Variants in NTMT2 observed in about 807,000 individuals in gnomAD.
NTMT2 encodes the protein X-Pro-Lys N-terminal protein methyltransferase 1B.
Under a neutral mutation model 23.4 loss-of-function variants are expected in NTMT2, and 21 were observed. That is an observed-to-expected ratio of 0.90 (90% CI 0.64 to 1.29). NTMT2 has a LOEUF of 1.29. Ranked by LOEUF, NTMT2 falls within the 50% of genes most tolerant of loss-of-function variation. The pLI is 0.00. For synonymous variants in NTMT2, 131 were observed against 127.7 expected (o/e 1.03, Z -0.17); for missense variants, 336 against 352.0 (o/e 0.95, Z 0.36).
intron 1 of NTMT2, among the ~76,000 whole-genome samples, chr1:170,155,836 T>A (rs1217747417): frequency 6.6e-6 from 1 of 152,108 alleles, no homozygotes; most frequent in Non-Finnish European, 1.5e-5. Flanking sequence ...TTGTTGTCCC[T>A]GTCTCTGATA....
rs1004919753 is a variant in NTMT2 at position 170,166,543 on chromosome 1, C to T, written c.372C>T (p.Gly124=). The stretch of plus-strand genomic sequence containing the variant: ...GAACAGACTGCGCCTTGGACTGCGG[C>T]TCCGGGATAGGAAGGGTCAGCAAAC... ...RAGTDCALDC[G]SGIGRVSKHV... The change falls in exon 3 of 4, where the codon GGC becomes GGT. Residue 124 remains glycine (G), a synonymous_variant. Coordinates refer to ENST00000439373, the MANE Select transcript of NTMT2 (RefSeq NM_001136107.2). The T allele has an allele frequency of 2.6e-6, 4 of 1,552,272 alleles. No individual in the cohort carries two copies. Among genetic ancestry groups the T allele is most frequent in the Non-Finnish European group, 3.5e-6 (4 of 1,147,124 alleles).
rs1474362826 is a variant in NTMT2 at position 170,146,266 on chromosome 1, G to A, written c.154+5G>A. The A allele has an allele frequency of 6.5e-6, 10 of 1,549,464 alleles. No individual in the cohort carries two copies. In the South Asian group the frequency reaches 7.2e-5, roughly 11 times the overall value. On this transcript the variant is annotated splice_donor_5th_base_variant and intron_variant, in intron 1 of 3. Coordinates refer to ENST00000439373, the MANE Select transcript of NTMT2 (RefSeq NM_001136107.2). Reference sequence around the variant, plus strand: ...TGCTGGAAAAAATTCCCCTGGGTAAGTGAGTCAGAGCTACTAGATAAGAAA... The same window carrying A: ...TGCTGGAAAAAATTCCCCTGGGTAAATGAGTCAGAGCTACTAGATAAGAAA...
Position 170,164,150 on chromosome 1 carries a change from C to T in NTMT2, c.331-2352C>T, listed in dbSNP as rs368796932. On this transcript the variant is annotated intron_variant, in intron 2 of 3. Transcript: ENST00000439373. ...AAAAAAAAAAAAAAAAAAAGACCGTCTTGTTTTGAAATCACACATCGCATG... is the reference window on the plus strand; with the variant it reads ...AAAAAAAAAAAAAAAAAAAGACCGTTTTGTTTTGAAATCACACATCGCATG... 3.8e-3 allele frequency among the ~76,000 whole-genome samples: 561 copies of T among 146,424 alleles called. 2 individuals are homozygous for T. The highest frequency in any genetic ancestry group is 7.1e-3 in the Middle Eastern group (2 of 282).
intron 1 of NTMT2, among the ~76,000 whole-genome samples, chr1:170,154,732 T>C (rs1009262056): frequency 6.6e-6 from 1 of 152,154 alleles, no homozygotes; most frequent in African/African-American, 2.4e-5. Flanking sequence ...ACTTGGGACT[T>C]CTGAGTTAAT....
At chr1:170,150,935 G>A (rs972294465) in intron 1 of NTMT2, among the ~76,000 whole-genome samples, 3 of 152,078 alleles carry the variant, frequency 2.0e-5, no homozygotes, top group African/African-American at 7.2e-5. Context: ...CAATCATTGA[G>A]GAATAACTTA....
At chr1:170,146,603 A>G (rs910524739) in intron 1 of NTMT2, among the ~76,000 whole-genome samples, 4 of 152,322 alleles carry the variant, frequency 2.6e-5, no homozygotes, top group African/African-American at 9.6e-5. Flanking sequence ...TTGATAATTC[A>G]AAGATGAGAG....
At chr1:170,148,218 G>A (rs1350645273) in intron 1 of NTMT2, among the ~76,000 whole-genome samples, 4 of 128,762 alleles carry the variant, frequency 3.1e-5, no homozygotes, top group Non-Finnish European at 4.6e-5. Flanking sequence ...GTGCAATCTC[G>A]GCTCACTGAA....
At chr1:170,148,975 G>A (rs538022531) in intron 1 of NTMT2, among the ~76,000 whole-genome samples, 6 of 152,230 alleles carry the variant, frequency 3.9e-5, no homozygotes, top group African/African-American at 1.4e-4. Flanking sequence ...ATATATATTT[G>A]TTCACTAGAA....
chr1:170,155,792 A>G (rs1214795183), intron 1 of NTMT2, among the ~76,000 whole-genome samples: 2 of 152,110 alleles, frequency 1.3e-5, no homozygotes, highest in Non-Finnish European at 2.9e-5. Flanking sequence ...GAAAGTCTTC[A>G]TTTTATTGCC....
intron 1 of NTMT2, among the ~76,000 whole-genome samples, chr1:170,152,574 A>G (rs1247664211): frequency 2.0e-5 from 3 of 152,120 alleles, no homozygotes; most frequent in African/African-American, 7.2e-5. Context: ...GATAAGAAAC[A>G]TCAGACACCT....
At chr1:170,154,985 G>A (rs574018464) in intron 1 of NTMT2, among the ~76,000 whole-genome samples, 1 of 152,090 alleles carries the variant, frequency 6.6e-6, no homozygotes, top group East Asian at 1.9e-4. Flanking sequence ...ATGAGATCTG[G>A]TTGTTTAAAA....
intron 1 of NTMT2, among the ~76,000 whole-genome samples, chr1:170,153,122 CCAGAAGCTGAG>C (rs1673101996): frequency 6.6e-6 from 1 of 152,176 alleles, no homozygotes; most frequent in South Asian, 2.1e-4. Flanking sequence ...TAAGGCCTCC[CCAGAAGCTGAG>C]CAGATGCCAG....
intron 1 of NTMT2, chr1:170,158,170 T>A (rs1005481373): frequency 6.6e-6 from 1 of 152,132 alleles, no homozygotes; most frequent in African/African-American, 2.4e-5. Flanking sequence ...TCCAAAAATT[T>A]GATCTCAGAA....
chr1:170,158,238 C>G, intron 1 of NTMT2: 1 of 151,988 alleles, frequency 6.6e-6, no homozygotes, highest in East Asian at 1.9e-4. Context: ...GTGATAGAAG[C>G]CTGATTCTAG....
At chr1:170,147,280 C>A (rs1038033955) in intron 1 of NTMT2, among the ~76,000 whole-genome samples, 1 of 152,122 alleles carries the variant, frequency 6.6e-6, no homozygotes, top group Non-Finnish European at 1.5e-5. Context: ...AACTTTTTAT[C>A]GTCTATGACT....
intron 1 of NTMT2, among the ~76,000 whole-genome samples, chr1:170,148,286 C>T (rs529688993): frequency 2.5e-3 from 378 of 151,052 alleles, no homozygotes; most frequent in Non-Finnish European, 4.8e-3. Context: ...GTAGCTGGGA[C>T]TACAGTCCCC....
intron 1 of NTMT2, among the ~76,000 whole-genome samples, chr1:170,157,297 G>T (rs1673181862): frequency 6.6e-6 from 1 of 151,924 alleles, no homozygotes. Context: ...TAGCAAAAAA[G>T]CTTCTATGTA....
At chr1:170,161,015 G>A (rs770355476) in intron 2 of NTMT2, among the ~76,000 whole-genome samples, 2 of 152,088 alleles carry the variant, frequency 1.3e-5, no homozygotes, top group African/African-American at 2.4e-5. Context: ...TCTCATAAAC[G>A]TTTCATACCC....
chr1:170,161,186 C>G (rs992312948), intron 2 of NTMT2, among the ~76,000 whole-genome samples: 229 of 151,932 alleles, frequency 1.5e-3, no homozygotes, highest in African/African-American at 5.3e-3. Flanking sequence ...GTAGTCCCAG[C>G]TACTTGGGAG....
Sources: gnomAD v4.1 joint callset for allele counts (sites outside exome capture counted in the v4.1 genomes callset) on GRCh38, gnomAD v4.1.1 for gene constraint, MANE v1.5 for transcripts, NCBI Gene and HGNC (gene_info 2026-07-23, HGNC 2026-07-21) for gene names.